Variants in RAD50 observed in about 807,000 individuals in gnomAD.
RAD50 encodes RAD50 double strand break repair protein, also known as DNA repair protein RAD50.
Under a neutral mutation model 168.8 loss-of-function variants are expected in RAD50, and 132 were observed. That is an observed-to-expected ratio of 0.78 (90% CI 0.68 to 0.90). The LOEUF (loss-of-function observed/expected upper bound fraction) is 0.90, where lower values mean the gene tolerates loss of function less well. Among genes scored for constraint, RAD50 ranks in the 40% least tolerant of loss-of-function variants. The pLI, the probability that RAD50 is intolerant of heterozygous loss-of-function variation, is 0.00. For synonymous variants in RAD50, 525 were observed against 497.4 expected, an observed-to-expected ratio of 1.06 and a Z score of -0.74; for missense variants, 1,347 against 1,534.4, an observed-to-expected ratio of 0.88 and a Z score of 2.04.
At chr5:132,617,872 C>A (rs563964018) in intron 20 of RAD50, among the ~76,000 whole-genome samples, 198 bp from the exon 21 acceptor site, 1 of 152,086 alleles carries the variant, frequency 6.6e-6, no homozygotes, top group Admixed American at 6.5e-5. Context: ...AACCTATGTG[C>A]GGCAGAGATA....
chr5:132,623,788 G>T (rs1434565426), intron 21 of RAD50, among the ~76,000 whole-genome samples: 1 of 152,088 alleles, frequency 6.6e-6, no homozygotes, highest in African/African-American at 2.4e-5. Context: ...AAGACTTCTG[G>T]TCAGATACAG....
chr5:132,637,803 T>G (rs749332046), intron 22 of RAD50, among the ~76,000 whole-genome samples: 2 of 152,092 alleles, frequency 1.3e-5, no homozygotes, highest in Non-Finnish European at 2.9e-5. Flanking sequence ...CAGTGTTGGG[T>G]TTACAGGCGT....
At chr5:132,560,051 TAC>T (rs143575412) in intron 2 of RAD50, among the ~76,000 whole-genome samples, 3,256 of 147,436 alleles carry the variant, frequency 0.022, 80 homozygotes, top group African/African-American at 0.056. Context: ...GAAACAACAA[TAC>T]ACACACACAC....
At chr5:132,560,887 A>G (rs1431358496) in intron 2 of RAD50, among the ~76,000 whole-genome samples, 5 of 152,198 alleles carry the variant, frequency 3.3e-5, no homozygotes, top group Admixed American at 2.0e-4. Flanking sequence ...ATATATTTCA[A>G]AATTCATAAG....
intron 21 of RAD50, among the ~76,000 whole-genome samples, chr5:132,634,617 G>A (rs556239855): frequency 6.6e-6 from 1 of 151,976 alleles, no homozygotes; most frequent in Non-Finnish European, 1.5e-5. Flanking sequence ...GCCATAATAG[G>A]AGGCATCTTT....
At chr5:132,614,432 A>G (rs553529558) in intron 19 of RAD50, among the ~76,000 whole-genome samples, 4 of 152,194 alleles carry the variant, frequency 2.6e-5, no homozygotes, top group African/African-American at 7.2e-5. Context: ...TTAACTGCCT[A>G]TAATAATGCC....
rs1581008368 is a variant in RAD50 at position 132,616,006 on chromosome 5, C to G, written c.3040C>G (p.Gln1014Glu). 4 of 1,579,438 alleles carry G rather than the reference C, an allele frequency of 2.5e-6. No individual in the cohort carries two copies. The highest frequency in any genetic ancestry group is 1.1e-5 in the South Asian group (1 of 90,094). Residue 1014 changes from glutamine to glutamate, a missense_variant, in exon 20 of 25, where the codon CAA (glutamine) becomes GAA (glutamate). By Grantham distance (29) the Gln-to-Glu change is conservative. Transcript: ENST00000378823. Reference sequence around the variant, plus strand: ...CTAATTTAATGTTTACCTTTAGATACAAGAAAGGTGGCTACAAGATAACCT... The same window carrying G: ...CTAATTTAATGTTTACCTTTAGATAGAAGAAAGGTGGCTACAAGATAACCT... Reference protein sequence around the residue: ...MRQDIDTQKIQERWLQDNLTL... With the variant: ...MRQDIDTQKIEERWLQDNLTL...
chr5:132,640,624 A>G (rs1187212113), intron 23 of RAD50, 48 bp from the exon 24 acceptor site: 2 of 1,613,478 alleles, frequency 1.2e-6, no homozygotes, highest in Non-Finnish European at 1.7e-6. Context: ...GCCTGCCATG[A>G]GATGAGAAGG....
At chr5:132,568,054 A>AT (rs1040091014) in intron 2 of RAD50, among the ~76,000 whole-genome samples, 37 of 151,430 alleles carry the variant, frequency 2.4e-4, no homozygotes, top group African/African-American at 6.8e-4. Context: ...GCAGACAAGG[A>AT]TTTTTTTTTA....
intron 2 of RAD50, among the ~76,000 whole-genome samples, chr5:132,571,156 A>C (rs1447161904): frequency 6.6e-6 from 1 of 152,244 alleles, no homozygotes; most frequent in African/African-American, 2.4e-5. Context: ...CTTATCACAG[A>C]TCACTATAAC....
chr5:132,591,281 G>A lies in RAD50; in HGVS notation c.1510G>A (p.Val504Ile), dbSNP rs1554098400. Residue 504 changes from valine (V) to isoleucine (I), a missense_variant, in exon 10 of 25, where the codon GTA becomes ATA. Transcript: ENST00000378823. ...CAATGTAGAAACCTTAAAAATGGAA[G>A]TAATAAGTCTCCAAAATGAAAAAGC... ...NSNVETLKME[V>I]ISLQNEKADL... The A allele has an allele frequency of 6.2e-7, 1 of 1,613,020 alleles. No homozygotes were observed. Among genetic ancestry groups the A allele is most frequent in the South Asian group, 1.1e-5 (1 of 91,062 alleles).
chr5:132,617,161 A>G (rs1269995308), intron 20 of RAD50, among the ~76,000 whole-genome samples: 1 of 152,106 alleles, frequency 6.6e-6, no homozygotes, highest in Non-Finnish European at 1.5e-5. Flanking sequence ...TTTACACGAT[A>G]CTCTCCATGG....
chr5:132,595,061 ATAT>A lies in RAD50; in HGVS notation c.1969+21_1969+23del, dbSNP rs768995615. ...AACAGCGAGGTAAGTTGTCTACTTT[ATAT>A]TATCAGGATACTTTGACACCTTTGA... On this transcript the variant is annotated intron_variant, in intron 12 of 24. Transcript: ENST00000378823. The A allele has an allele frequency of 6.3e-7, 1 of 1,596,790 alleles. No individual in the cohort carries two copies. Among genetic ancestry groups the A allele is most frequent in the South Asian group, 1.1e-5 (1 of 90,708 alleles).
chr5:132,629,043 A>G (rs772071075), intron 21 of RAD50, among the ~76,000 whole-genome samples: 1 of 152,182 alleles, frequency 6.6e-6, no homozygotes, highest in Non-Finnish European at 1.5e-5. Flanking sequence ...CTTACAGCCC[A>G]TTGACCTGCA....
chr5:132,626,611 T>A lies in RAD50; in HGVS notation c.3389+8317T>A, dbSNP rs1751376422. Among the ~76,000 whole-genome samples, 3 of 152,228 alleles carry A rather than the reference T, an allele frequency of 2.0e-5. No individual in the cohort carries two copies. The South Asian group carries it at 6.2e-4, about 32-fold the overall frequency. On this transcript the variant is annotated intron_variant, in intron 21 of 24. Transcript: ENST00000378823. ...CTATTCTTTAATAGCACTAAAGAAC[T>A]AAATTCATTAAGAAAACGTAGGTTT... is the stretch of plus-strand genomic sequence containing the variant.
intron 2 of RAD50, among the ~76,000 whole-genome samples, chr5:132,562,957 G>A (rs995175527): frequency 6.6e-6 from 1 of 152,208 alleles, no homozygotes; most frequent in Non-Finnish European, 1.5e-5. Flanking sequence ...ATCATCAACT[G>A]TGTCAAATAT....
intron 12 of RAD50, 66 bp from the exon 13 acceptor site, chr5:132,595,507 C>T (rs959802505): frequency 1.0e-4 from 101 of 997,644 alleles, no homozygotes; most frequent in Non-Finnish European, 1.5e-4. Context: ...AAGATACAAC[C>T]GTATTCAGAA....
intron 21 of RAD50, among the ~76,000 whole-genome samples, chr5:132,619,815 CCTCTCT>C (rs58174018): frequency 1.2e-4 from 14 of 118,354 alleles, no homozygotes; most frequent in East Asian, 4.8e-4. Flanking sequence ...TCTCTCTACT[CCTCTCT>C]CTCTCTCTCT....
At chr5:132,565,367 G>A (rs1413216850) in intron 2 of RAD50, among the ~76,000 whole-genome samples, 1 of 151,932 alleles carries the variant, frequency 6.6e-6, no homozygotes, top group Non-Finnish European at 1.5e-5. Context: ...CAATCCTCCT[G>A]TATGTAATCA....
Sources: allele counts gnomAD v4.1 joint callset (sites outside exome capture counted in the v4.1 genomes callset), GRCh38; gene constraint gnomAD v4.1.1; transcripts MANE v1.5; gene names NCBI Gene and HGNC (gene_info 2026-07-23, HGNC 2026-07-21).